The following NALF1 variants were observed in gnomAD, a reference collection of about 807,000 sequenced individuals.
NALF1 encodes NALCN channel auxiliary factor 1.
A neutral mutation model predicts 48.4 loss-of-function variants in NALF1; 3 were observed. The observed-to-expected ratio is 0.06, with a 90% CI of 0.03 to 0.16. The LOEUF is 0.16. Among genes scored for constraint, NALF1 ranks in the 10% least tolerant of loss-of-function variants. The pLI is 1.00. For missense variants in NALF1, 526 were observed against 571.5 expected, an observed-to-expected ratio of 0.92 and a Z score of 0.81; for synonymous variants, 262 against 245.7, an observed-to-expected ratio of 1.07 and a Z score of -0.62.
At chr13:107,510,320 G>A (rs1317267324) in intron 1 of NALF1, among the ~76,000 whole-genome samples, 1 of 152,034 alleles carries the variant, frequency 6.6e-6, no homozygotes, top group Non-Finnish European at 1.5e-5. Flanking sequence ...CTGAAGAATT[G>A]CTGCCCAAAG....
At chr13:107,424,776 A>G (rs1884251205) in intron 1 of NALF1, among the ~76,000 whole-genome samples, 1 of 152,220 alleles carries the variant, frequency 6.6e-6, no homozygotes, top group Admixed American at 6.5e-5. Flanking sequence ...TGTTGGTTCT[A>G]TGTATCTACC....
At chr13:107,272,856 A>G (rs369502207) in intron 1 of NALF1, among the ~76,000 whole-genome samples, 3 of 152,190 alleles carry the variant, frequency 2.0e-5, no homozygotes, top group African/African-American at 7.2e-5. Flanking sequence ...AAAACTAAGG[A>G]AAGTCGGAGT....
rs1271768975 is a variant in NALF1 at position 107,272,404 on chromosome 13, C to T, written c.916-61649G>A. ...TAATTTTTTGTATTTTTAGTAGAGACGGGGTTTCACCTTGTTAGCCAGGAT... is the reference window on the plus strand; with the variant it reads ...TAATTTTTTGTATTTTTAGTAGAGATGGGGTTTCACCTTGTTAGCCAGGAT... On this transcript the variant is annotated intron_variant, in intron 1 of 2. Transcript: ENST00000375915. Among the ~76,000 whole-genome samples, 6 of 33,562 alleles carry T rather than the reference C, an allele frequency of 1.8e-4. 2 individuals are homozygous for T. The highest frequency in any genetic ancestry group is 2.3e-4 in the Non-Finnish European group (3 of 12,814). The allele number at this position is 33,562 out of a possible 152,430, so 22.0% of individuals were successfully genotyped here.
intron 1 of NALF1, among the ~76,000 whole-genome samples, chr13:107,372,407 T>C (rs1389700146): frequency 6.6e-6 from 1 of 152,212 alleles, no homozygotes; most frequent in Non-Finnish European, 1.5e-5. Flanking sequence ...CACAGAGAAA[T>C]ATAAATTATA....
At chr13:107,180,447 T>C (rs1879037732) in intron 2 of NALF1, among the ~76,000 whole-genome samples, 1 of 152,052 alleles carries the variant, frequency 6.6e-6, no homozygotes, top group Non-Finnish European at 1.5e-5. Flanking sequence ...CATTTTGACA[T>C]AGAGTCCAAG....
At position 107,508,746 on chromosome 13, in the gene NALF1, C is replaced by T. The variant is rs181791814; in HGVS notation, c.916-297991G>A. 3.6e-3 allele frequency among the ~76,000 whole-genome samples: 549 copies of T among 152,080 alleles called. 3 individuals carry two copies. Among genetic ancestry groups the T allele is most frequent in the African/African-American group, 0.012 (514 of 41,494 alleles). On this transcript the variant is annotated intron_variant, in intron 1 of 2. Transcript: ENST00000375915. ...TTACAGGCTTGCAACTACGCACACG[C>T]CCCCAATCTCACAACTGATGCAAAA...
chr13:107,864,503 G>A (rs1281119295), intron 1 of NALF1, among the ~76,000 whole-genome samples: 3 of 152,202 alleles, frequency 2.0e-5, no homozygotes, highest in Non-Finnish European at 2.9e-5. Context: ...GTGAGACAGA[G>A]GAACAGTTGT....
intron 1 of NALF1, among the ~76,000 whole-genome samples, chr13:107,324,997 G>A (rs1021689693): frequency 1.6e-4 from 24 of 152,154 alleles, no homozygotes; most frequent in Non-Finnish European, 1.5e-5. Context: ...TGAAGAAACT[G>A]AATCAATTGT....
chr13:107,598,378 T>A (rs1427170053), intron 1 of NALF1, among the ~76,000 whole-genome samples: 1 of 152,224 alleles, frequency 6.6e-6, no homozygotes, highest in Admixed American at 6.5e-5. Context: ...TGTTTTTAAG[T>A]AATCACTGTC....
intron 1 of NALF1, among the ~76,000 whole-genome samples, chr13:107,446,798 TAAGAAAAA>T (rs1261863596): frequency 1.3e-5 from 2 of 152,124 alleles, no homozygotes; most frequent in Admixed American, 6.5e-5. Context: ...ATGTCCTATA[TAAGAAAAA>T]AAGAGAGCCC....
At chr13:107,554,552 TCAGAGGCC>T (rs1877396822) in intron 1 of NALF1, among the ~76,000 whole-genome samples, 1 of 152,092 alleles carries the variant, frequency 6.6e-6, no homozygotes, top group Admixed American at 6.6e-5. Flanking sequence ...CTTCCCCTTA[TCAGAGGCC>T]CAGAGAGGCT....
intron 1 of NALF1, among the ~76,000 whole-genome samples, chr13:107,526,262 G>T (rs1876434955): frequency 6.6e-6 from 1 of 152,006 alleles, no homozygotes; most frequent in South Asian, 2.1e-4. Flanking sequence ...AAGATAGCTT[G>T]AATTTTAAGA....
At chr13:107,780,690 G>A (rs1406456757) in intron 1 of NALF1, among the ~76,000 whole-genome samples, 1 of 151,852 alleles carries the variant, frequency 6.6e-6, no homozygotes, top group African/African-American at 2.4e-5. Flanking sequence ...CCAGCACTTT[G>A]GGATGCCGAG....
chr13:107,405,155 C>A (rs911314716), intron 1 of NALF1, among the ~76,000 whole-genome samples: 1 of 152,032 alleles, frequency 6.6e-6, no homozygotes, highest in African/African-American at 2.4e-5. Context: ...GGCAGCCATT[C>A]AATTTCCCCT....
chr13:107,336,391 TAAA>T (rs35227761), intron 1 of NALF1, among the ~76,000 whole-genome samples: 60,508 of 149,082 alleles, frequency 0.41, 12,664 homozygotes, highest in African/African-American at 0.42. Context: ...ATAATAATAA[TAAA>T]AAATCTAATA....
chr13:107,512,600 A>G (rs1360920855), intron 1 of NALF1, among the ~76,000 whole-genome samples: 1 of 152,140 alleles, frequency 6.6e-6, no homozygotes, highest in Non-Finnish European at 1.5e-5. Flanking sequence ...TGACTGTCCT[A>G]CAGAGCAGGG....
intron 1 of NALF1, among the ~76,000 whole-genome samples, chr13:107,733,113 A>T (rs377727540): frequency 2.7e-5 from 4 of 150,684 alleles, no homozygotes; most frequent in African/African-American, 9.7e-5. Context: ...AATATATCGG[A>T]CATTTCTTTA....
intron 1 of NALF1, among the ~76,000 whole-genome samples, chr13:107,642,326 A>G (rs1219003818): frequency 6.6e-6 from 1 of 152,218 alleles, no homozygotes. Flanking sequence ...CAATAAGAAT[A>G]TATCTGAATT....
In NALF1 at chr13:107,809,408, G is replaced by T. The variant is rs16971170; in HGVS notation, c.915+56274C>A. Among the ~76,000 whole-genome samples the T allele has an allele frequency of 4.4e-3, 673 of 152,100 alleles. 4 individuals are homozygous for T. The highest frequency in any genetic ancestry group is 0.015 in the African/African-American group (610 of 41,484). On this transcript the variant is annotated intron_variant, in intron 1 of 2. Coordinates refer to ENST00000375915, the MANE Select transcript of NALF1 (RefSeq NM_001080396.3). ...TACTGAGATAAGCAGTTACTGTAAA[G>T]ACTCTGTCTCATGACAATATCCAAT... is the stretch of plus-strand genomic sequence containing the variant.
Sources: gnomAD v4.1 joint callset for allele counts (sites outside exome capture counted in the v4.1 genomes callset) on GRCh38, gnomAD v4.1.1 for gene constraint, MANE v1.5 for transcripts, NCBI Gene and HGNC (gene_info 2026-07-23, HGNC 2026-07-21) for gene names.